GLG1: variants seen among roughly 807,000 people sequenced by gnomAD.
GLG1 encodes the protein golgi glycoprotein 1.
A neutral mutation model predicts 160.5 loss-of-function variants in GLG1; 38 were observed. The observed-to-expected ratio is 0.24, with a 90% CI of 0.18 to 0.31. The LOEUF (loss-of-function observed/expected upper bound fraction) is 0.31. Ranked by LOEUF, GLG1 falls within the 10% of genes least tolerant of loss-of-function variation. GLG1 has a pLI of 1.00. For synonymous variants in GLG1, 644 were observed against 543.4 expected, an observed-to-expected ratio of 1.19 and a Z score of -2.57; for missense variants, 1,373 against 1,505.2, an observed-to-expected ratio of 0.91 and a Z score of 1.45.
At chr16:74,477,981 T>TAAATAAAC (rs1567468790) in intron 11 of GLG1, among the ~76,000 whole-genome samples, 1 of 45,702 alleles carries the variant, frequency 2.2e-5, no homozygotes, top group African/African-American at 1.3e-4. Flanking sequence ...CTCAAAAAAA[T>TAAATAAAC]AAATAAATAA....
intron 1 of GLG1, among the ~76,000 whole-genome samples, chr16:74,590,795 CAAAAAAAAAAAAAAAAGA>C (rs1310438916): frequency 2.9e-5 from 2 of 68,964 alleles, no homozygotes; most frequent in South Asian, 1.0e-3. Flanking sequence ...GAAACTGTCT[CAAAAAAAAAAAAAAAAGA>C]AAAAAAAAAA....
chr16:74,523,438 G>C (rs112723289), intron 2 of GLG1, among the ~76,000 whole-genome samples: 1 of 152,054 alleles, frequency 6.6e-6, no homozygotes, highest in African/African-American at 2.4e-5. Flanking sequence ...CAGGTACTCT[G>C]TGTTTCCACA....
chr16:74,472,525 C>T, intron 13 of GLG1, 114 bp from the exon 14 acceptor site: 1 of 1,394,810 alleles, frequency 7.2e-7, no homozygotes, highest in African/African-American at 1.4e-5. Context: ...CTAATACATA[C>T]TTTTGGAAAC....
intron 20 of GLG1, 27 bp downstream of exon 20, chr16:74,463,329 G>A (rs771441252): frequency 6.2e-7 from 1 of 1,611,976 alleles, no homozygotes; most frequent in Non-Finnish European, 8.5e-7. Context: ...ACTCCACGGG[G>A]CCAGGAGAGC....
chr16:74,489,124 C>A (rs1470814259), intron 8 of GLG1, among the ~76,000 whole-genome samples: 2 of 152,058 alleles, frequency 1.3e-5, no homozygotes, highest in African/African-American at 4.8e-5. Flanking sequence ...TAAAGTCAAA[C>A]CAGTCTATTT....
intron 23 of GLG1, chr16:74,458,217 C>T: frequency 2.3e-6 from 1 of 444,302 alleles, no homozygotes; most frequent in Non-Finnish European, 4.1e-6. Flanking sequence ...TGGAAAAAAG[C>T]AGGGGACTGT....
At chr16:74,463,567 T>G in intron 19 of GLG1, 88 bp from the exon 20 acceptor site, 3 of 1,309,174 alleles carry the variant, frequency 2.3e-6, no homozygotes, top group South Asian at 2.6e-5. Flanking sequence ...GGAGACGGAG[T>G]CTCACCGTGT....
At chr16:74,508,803 G>A (rs140327166) in intron 3 of GLG1, 36 bp downstream of exon 3, 11 of 842,848 alleles carry the variant, frequency 1.3e-5, no homozygotes, top group African/African-American at 3.3e-5. Flanking sequence ...TCTCCTCTAA[G>A]CCATTAGTTG....
At chr16:74,479,106 T>TCC (rs1447427466) in intron 11 of GLG1, among the ~76,000 whole-genome samples, 10 of 103,858 alleles carry the variant, frequency 9.6e-5, no homozygotes. Flanking sequence ...GCACCCGTAA[T>TCC]CCCAGCTACT....
intron 1 of GLG1, among the ~76,000 whole-genome samples, chr16:74,589,586 G>A (rs1309324376): frequency 6.6e-5 from 10 of 152,210 alleles, no homozygotes; most frequent in Non-Finnish European, 2.9e-5. Flanking sequence ...ATTTATTTGC[G>A]GGTGTGGGGC....
chr16:74,534,833 C>A (rs1316795539), intron 1 of GLG1, among the ~76,000 whole-genome samples: 1 of 152,216 alleles, frequency 6.6e-6, no homozygotes, highest in African/African-American at 2.4e-5. Flanking sequence ...TTAATTGAGT[C>A]TCCATGGATG....
Position 74,485,887 on chromosome 16 carries a change from C to T in GLG1, c.1480G>A (p.Gly494Ser). The change falls in exon 9 of 26, where the codon GGT becomes AGT. Residue 494 changes from glycine (G) to serine (S), a missense_variant. This residue lies in a region of GLG1 where 386 missense variants were observed against 388.5 expected (regional missense o/e 0.99). Transcript: ENST00000422840. ...GCTCGATCAATGCGGTAATCTGCAC[C>T]AGGGTCAGTCTCCTGAATCAGTGTT... ...LQTLIQETDP[G>S]ADYRIDRALN... 1 of 1,611,936 alleles carries T rather than the reference C, an allele frequency of 6.2e-7. No homozygotes were observed. The highest frequency in any genetic ancestry group is 1.1e-5 in the South Asian group (1 of 90,950).
At chr16:74,507,146 A>G (rs1430979133) in intron 3 of GLG1, among the ~76,000 whole-genome samples, 1 of 152,194 alleles carries the variant, frequency 6.6e-6, no homozygotes, top group Non-Finnish European at 1.5e-5. Context: ...TCTTCCTGAT[A>G]TTTAATTTCC....
chr16:74,495,440 T>G (rs750190090), intron 5 of GLG1, among the ~76,000 whole-genome samples: 1 of 152,218 alleles, frequency 6.6e-6, no homozygotes, highest in Non-Finnish European at 1.5e-5. Context: ...TACAAGTGTA[T>G]GCTAGAGTTA....
chr16:74,530,124 G>A (rs777717788), intron 2 of GLG1, among the ~76,000 whole-genome samples: 3 of 151,978 alleles, frequency 2.0e-5, no homozygotes, highest in Non-Finnish European at 4.4e-5. Context: ...GAGTTCCAAG[G>A]CACACATCAA....
rs565128859 is a variant in GLG1 at position 74,518,294 on chromosome 16, G to A, written c.472-9369C>T. Among the ~76,000 whole-genome samples, 135 of 152,102 alleles carry A rather than the reference G, an allele frequency of 8.9e-4. 3 individuals carry two copies. Among genetic ancestry groups the A allele is most frequent in the South Asian group, 8.3e-4 (4 of 4,812 alleles). ...TGGAGGCATCATGCTACCCGACTTC[G>A]AACTATACTACAAGGCTAAAGTAAC... is the stretch of plus-strand genomic sequence containing the variant. On this transcript the variant is annotated intron_variant, in intron 2 of 25. Transcript: ENST00000422840.
chr16:74,576,099 C>G (rs2018994620), intron 1 of GLG1, among the ~76,000 whole-genome samples: 2 of 152,026 alleles, frequency 1.3e-5, no homozygotes, highest in Non-Finnish European at 2.9e-5. Context: ...ACTCAGGAGG[C>G]TGAGGCAGAA....
intron 1 of GLG1, among the ~76,000 whole-genome samples, chr16:74,544,698 G>C (rs1371940522): frequency 3.9e-5 from 6 of 152,134 alleles, no homozygotes; most frequent in African/African-American, 9.7e-5. Context: ...GACAGGGTTT[G>C]GCCATTTGGG....
intron 2 of GLG1, among the ~76,000 whole-genome samples, chr16:74,523,624 C>CT (rs2017242205): frequency 6.6e-6 from 1 of 152,048 alleles, no homozygotes; most frequent in African/African-American, 2.4e-5. Context: ...ATATTTTACA[C>CT]TTATCTGTAG....
Sources: allele counts gnomAD v4.1 joint callset (sites outside exome capture counted in the v4.1 genomes callset), GRCh38; gene constraint gnomAD v4.1.1; regional missense constraint gnomAD v4.1.1; transcripts MANE v1.5; gene names NCBI Gene and HGNC (gene_info 2026-07-23, HGNC 2026-07-21).